PRKCE: variants seen among roughly 807,000 people sequenced by gnomAD.
The protein encoded by PRKCE is protein kinase C epsilon type.
Under a neutral mutation model 85.4 loss-of-function variants are expected in PRKCE, and 16 were observed. The observed-to-expected ratio is 0.19, with a 90% CI of 0.13 to 0.28. The LOEUF (loss-of-function observed/expected upper bound fraction) is 0.28, where lower values mean the gene tolerates loss of function less well. Ranked by LOEUF, PRKCE falls within the 10% of genes least tolerant of loss-of-function variation. The pLI, the probability that PRKCE is intolerant of heterozygous loss-of-function variation, is 1.00. For synonymous variants in PRKCE, 388 were observed against 371.5 expected (o/e 1.04, Z -0.51); for missense variants, 573 against 975.2 (o/e 0.59, Z 5.49).
chr2:45,821,932 A>G (rs779410096), intron 1 of PRKCE, among the ~76,000 whole-genome samples: 17 of 152,146 alleles, frequency 1.1e-4, no homozygotes, highest in Non-Finnish European at 2.1e-4. Context: ...AGGGACGAGA[A>G]TGGAACCGAA....
At chr2:46,075,165 C>T (rs549264699) in intron 10 of PRKCE, among the ~76,000 whole-genome samples, 36 of 152,080 alleles carry the variant, frequency 2.4e-4, no homozygotes. Flanking sequence ...CTGAGCCTCC[C>T]GAGTAGCTGG....
At chr2:46,113,736 G>A (rs536348733) in intron 11 of PRKCE, among the ~76,000 whole-genome samples, 8 of 152,302 alleles carry the variant, frequency 5.3e-5, no homozygotes, top group African/African-American at 7.2e-5. Flanking sequence ...GCCCTGGGTA[G>A]GGGTAGCTTT....
chr2:45,782,236 A>C (rs1156451279), intron 1 of PRKCE, among the ~76,000 whole-genome samples: 1 of 152,062 alleles, frequency 6.6e-6, no homozygotes, highest in Non-Finnish European at 1.5e-5. Flanking sequence ...CCATCTTCCG[A>C]CTTGACCCCA....
intron 2 of PRKCE, among the ~76,000 whole-genome samples, chr2:45,955,218 A>G (rs181814174): frequency 2.0e-5 from 3 of 152,346 alleles, no homozygotes; most frequent in African/African-American, 7.2e-5. Flanking sequence ...GAAAGGTTTC[A>G]TGGAGGAATT....
intron 10 of PRKCE, among the ~76,000 whole-genome samples, chr2:46,017,714 C>A (rs931285688): frequency 6.6e-6 from 1 of 152,178 alleles, no homozygotes; most frequent in Non-Finnish European, 1.5e-5. Context: ...CTTTGCCCAA[C>A]ACTTATTTCT....
intron 10 of PRKCE, among the ~76,000 whole-genome samples, chr2:46,050,438 T>C (rs1708785706): frequency 6.6e-6 from 1 of 152,270 alleles, no homozygotes. Flanking sequence ...TGGAGTTTAA[T>C]GGGTTTAAGC....
intron 2 of PRKCE, among the ~76,000 whole-genome samples, chr2:45,879,721 C>G (rs150832852): frequency 7.5e-4 from 114 of 152,340 alleles, no homozygotes; most frequent in Middle Eastern, 6.8e-3. Context: ...GTAAGGGAGG[C>G]ACTCCTGTCA....
chr2:45,997,467 C>A lies in PRKCE; in HGVS notation c.824-3937C>A, dbSNP rs953876160. On this transcript the variant is annotated intron_variant, in intron 6 of 14. Coordinates refer to ENST00000306156, the MANE Select transcript of PRKCE (RefSeq NM_005400.3). Reference sequence around the variant, plus strand: ...TAATATATGCATTCAATGCTATAAACTTCCTTTGAAGCACTGCTTTTGCTA... The same window carrying A: ...TAATATATGCATTCAATGCTATAAAATTCCTTTGAAGCACTGCTTTTGCTA... Among the ~76,000 whole-genome samples, 9 of 152,172 alleles carry A rather than the reference C, an allele frequency of 5.9e-5. No individual in the cohort carries two copies. In the East Asian group the frequency reaches 1.3e-3, roughly 23 times the overall value.
chr2:45,708,024 G>A (rs868733049), intron 1 of PRKCE, among the ~76,000 whole-genome samples: 1 of 152,242 alleles, frequency 6.6e-6, no homozygotes, highest in African/African-American at 2.4e-5. Flanking sequence ...GGCAGGCAGT[G>A]CATGAGGAAT....
At chr2:45,903,893 TTGTTTGTTTGTTTGTTTGTTTG>T (rs34091636) in intron 2 of PRKCE, among the ~76,000 whole-genome samples, 29,070 of 143,724 alleles carry the variant, frequency 0.2, 3,790 homozygotes, top group South Asian at 0.32. Flanking sequence ...TTTTTTTTGT[TTGTTTGTTTGTTTGTTTGTTTG>T]TTTTTTTTGG....
At chr2:46,059,286 C>G (rs967944442) in intron 10 of PRKCE, among the ~76,000 whole-genome samples, 1 of 152,052 alleles carries the variant, frequency 6.6e-6, no homozygotes, top group Non-Finnish European at 1.5e-5. Flanking sequence ...AGACCTCAAC[C>G]CTTGACCCTC....
intron 2 of PRKCE, among the ~76,000 whole-genome samples, chr2:45,870,340 T>C (rs1369381797): frequency 6.6e-6 from 1 of 152,202 alleles, no homozygotes; most frequent in Non-Finnish European, 1.5e-5. Flanking sequence ...AGAAAGATCC[T>C]GTGTAGACTC....
chr2:45,908,210 C>G (rs1437390086), intron 2 of PRKCE, among the ~76,000 whole-genome samples: 1 of 152,140 alleles, frequency 6.6e-6, no homozygotes, highest in Admixed American at 6.5e-5. Context: ...CCAGTCTCAT[C>G]ATTGGCCCTA....
At chr2:46,049,275 C>G (rs553466644) in intron 10 of PRKCE, among the ~76,000 whole-genome samples, 1 of 152,088 alleles carries the variant, frequency 6.6e-6, no homozygotes, top group Non-Finnish European at 1.5e-5. Context: ...TCAGTATTGC[C>G]GAGTGGGCTT....
At chr2:46,010,829 T>G in intron 10 of PRKCE, 1 of 1,553,794 alleles carries the variant, frequency 6.4e-7, no homozygotes, top group East Asian at 2.3e-5. Flanking sequence ...GTCCTTGCTC[T>G]GCTCCTAACT....
At chr2:45,660,976 G>C (rs1293453686) in intron 1 of PRKCE, among the ~76,000 whole-genome samples, 2 of 152,120 alleles carry the variant, frequency 1.3e-5, no homozygotes, top group African/African-American at 4.8e-5. Context: ...CTGGGGAAGA[G>C]GAGGAAAAAC....
chr2:45,847,683 A>G (rs1691909756), intron 2 of PRKCE, among the ~76,000 whole-genome samples: 1 of 152,202 alleles, frequency 6.6e-6, no homozygotes, highest in Admixed American at 6.5e-5. Flanking sequence ...TCCTGCTTCC[A>G]TTCATGGCCC....
chr2:45,651,754 G>A lies in PRKCE; in HGVS notation c.-347G>A, dbSNP rs1050603270. 1 of 193,656 alleles carries A rather than the reference G, an allele frequency of 5.2e-6. No individual in the cohort carries two copies. The highest frequency in any genetic ancestry group is 1.1e-5 in the Non-Finnish European group (1 of 95,030). The allele number at this position is 193,656 out of a possible 1,614,324, so 12.0% of individuals were successfully genotyped here. A position where few individuals can be genotyped will look rare whatever the true frequency, so the allele number is the denominator to read the frequency against. On this transcript the variant is annotated 5_prime_UTR_variant, in exon 1 of 15. Coordinates refer to ENST00000306156, the MANE Select transcript of PRKCE (RefSeq NM_005400.3). ...CGCTTTCCCGCAGTCCGGAGCCGGA[G>A]AGCCAGCGAGGCGGCGAGGCAGCCC... is the stretch of plus-strand genomic sequence containing the variant.
intron 2 of PRKCE, among the ~76,000 whole-genome samples, chr2:45,919,390 C>G (rs924795176): frequency 6.6e-6 from 1 of 152,226 alleles, no homozygotes; most frequent in African/African-American, 2.4e-5. Context: ...GCTAGAGAAA[C>G]CACAGGAAAG....
Sources: gnomAD v4.1 joint callset for allele counts (sites outside exome capture counted in the v4.1 genomes callset) on GRCh38, gnomAD v4.1.1 for gene constraint, MANE v1.5 for transcripts, NCBI Gene and HGNC (gene_info 2026-07-23, HGNC 2026-07-21) for gene names.